GPR89B: variants seen among roughly 807,000 people sequenced by gnomAD.
The protein encoded by GPR89B is G protein-coupled receptor 89B.
GPR89B carries 25 observed loss-of-function variants against 52.4 expected under a neutral mutation model. The observed-to-expected ratio is 0.48, with a 90% CI of 0.35 to 0.67. The LOEUF is 0.67. Among genes scored for constraint, GPR89B ranks in the 30% least tolerant of loss-of-function variants. GPR89B has a pLI of 0.01. For missense variants in GPR89B, 146 were observed against 450.2 expected (o/e 0.32, Z 6.11); for synonymous variants, 52 against 151.2 (o/e 0.34, Z 4.81).
chr1:147,997,274 G>T (rs1659337251), downstream of GPR89B, among the ~76,000 whole-genome samples: 6 of 152,296 alleles, frequency 3.9e-5, no homozygotes, highest in South Asian at 1.2e-3. Flanking sequence ...GGAATACCTA[G>T]AAGCCCGGTA....
chr1:147,968,321 A>G, intron 8 of GPR89B: 6 of 453,928 alleles, frequency 1.3e-5, no homozygotes, highest in South Asian at 9.3e-5. Flanking sequence ...CAAGTTATTT[A>G]ACTCTCTGAG....
intron 1 of GPR89B, among the ~76,000 whole-genome samples, chr1:147,935,663 T>G (rs587690005): frequency 6.6e-6 from 1 of 152,300 alleles, no homozygotes; most frequent in South Asian, 2.1e-4. Context: ...ATAAAAAATA[T>G]TAGGCTTTCT....
At chr1:147,955,451 A>G (rs1337958209) in intron 7 of GPR89B, among the ~76,000 whole-genome samples, 1 of 151,914 alleles carries the variant, frequency 6.6e-6, no homozygotes, top group Non-Finnish European at 1.5e-5. Context: ...TCATATGGCA[A>G]TTCCATTTTC....
At chr1:147,938,225 T>TC (rs1654263670) in intron 2 of GPR89B, among the ~76,000 whole-genome samples, 1 of 152,204 alleles carries the variant, frequency 6.6e-6, no homozygotes, top group Admixed American at 6.5e-5. Flanking sequence ...ATAGTCTACA[T>TC]TTGGGTCATT....
chr1:147,930,065 C>T (rs1349705128), intron 1 of GPR89B, among the ~76,000 whole-genome samples: 5 of 152,186 alleles, frequency 3.3e-5, no homozygotes, highest in Non-Finnish European at 7.3e-5. Flanking sequence ...TGCATTGCAG[C>T]CTCTACGATT....
At chr1:148,012,838 CA>C in the GPR89B span, among the ~76,000 whole-genome samples, 1 of 151,898 alleles carries the variant, frequency 6.6e-6, no homozygotes, top group Non-Finnish European at 1.5e-5. Context: ...ATAGGTTGGC[CA>C]CAGAATGGCC....
intron 7 of GPR89B, among the ~76,000 whole-genome samples, chr1:147,960,516 G>A (rs1388250911): frequency 1.3e-5 from 2 of 152,116 alleles, no homozygotes; most frequent in Admixed American, 6.6e-5. Flanking sequence ...AATTTTACTA[G>A]GTGGGCTTAA....
intron 10 of GPR89B, among the ~76,000 whole-genome samples, chr1:147,970,527 CTCTCTCT>C (rs1657365307): frequency 2.1e-5 from 3 of 140,112 alleles, no homozygotes; most frequent in African/African-American, 8.5e-5. Flanking sequence ...CTCTCTCTCT[CTCTCTCT>C]ATCTCTATCT....
At chr1:148,000,802 C>A in the GPR89B span, among the ~76,000 whole-genome samples, 87 of 137,968 alleles carry the variant, frequency 6.3e-4, no homozygotes, top group African/African-American at 1.4e-3. Flanking sequence ...AAAACAACAA[C>A]AAAAAAACCT....
At chr1:147,931,262 G>A (rs1558028197) in intron 1 of GPR89B, among the ~76,000 whole-genome samples, 1 of 150,986 alleles carries the variant, frequency 6.6e-6, no homozygotes, top group Non-Finnish European at 1.5e-5. Context: ...TTTTTTAACA[G>A]TAGCTAATTT....
chr1:147,949,577 A>C (rs1571250679), intron 5 of GPR89B, among the ~76,000 whole-genome samples: 1 of 97,516 alleles, frequency 1.0e-5, no homozygotes, highest in Admixed American at 1.1e-4. Flanking sequence ...CGGGGGGCTG[A>C]CCCCCCCACC....
At chr1:147,929,713 C>T (rs587614770) in intron 1 of GPR89B, among the ~76,000 whole-genome samples, 232 of 152,218 alleles carry the variant, frequency 1.5e-3, no homozygotes, top group Non-Finnish European at 2.6e-3. Flanking sequence ...CTTTTCTCTT[C>T]AAAAACTTGT....
chr1:148,021,178 A>G, the GPR89B span, among the ~76,000 whole-genome samples: 3 of 151,438 alleles, frequency 2.0e-5, no homozygotes, highest in African/African-American at 7.3e-5. Flanking sequence ...AGACCATTAG[A>G]CCACATCTCG....
chr1:148,014,836 CT>C, the GPR89B span: 1 of 151,944 alleles, frequency 6.6e-6, no homozygotes, highest in African/African-American at 2.4e-5. Flanking sequence ...CCGCTCCCCC[CT>C]GAGCTTACAG....
chr1:148,019,111 G>A, the GPR89B span, among the ~76,000 whole-genome samples: 130 of 151,362 alleles, frequency 8.6e-4, 2 homozygotes, highest in African/African-American at 3.0e-3. Context: ...CGAGTAGCTG[G>A]GACTATAGGC....
chr1:147,928,858 A>G (rs1653266366), intron 1 of GPR89B: 1 of 186,576 alleles, frequency 5.4e-6, no homozygotes, highest in African/African-American at 2.4e-5. Context: ...CCAGGCTAAG[A>G]GCCGGCGCCG....
At chr1:147,966,056 A>G (rs1657010711) in intron 7 of GPR89B, among the ~76,000 whole-genome samples, 3 of 151,770 alleles carry the variant, frequency 2.0e-5, no homozygotes, top group Non-Finnish European at 2.9e-5. Flanking sequence ...CATGTTGCCC[A>G]TGCTGGTCTT....
intron 7 of GPR89B, among the ~76,000 whole-genome samples, chr1:147,963,440 T>C (rs1490866777): frequency 6.7e-5 from 10 of 149,290 alleles, no homozygotes; most frequent in Middle Eastern, 3.5e-3. Flanking sequence ...GGAGAAAATA[T>C]TTGCAAGCCA....
intron 10 of GPR89B, among the ~76,000 whole-genome samples, chr1:147,982,996 C>T (rs1365177352): frequency 1.2e-4 from 18 of 151,734 alleles, no homozygotes; most frequent in African/African-American, 4.1e-4. Flanking sequence ...ACATTGGCAC[C>T]GAACAGAGCC....
Sources: gnomAD v4.1 joint callset for allele counts (sites outside exome capture counted in the v4.1 genomes callset) on GRCh38, gnomAD v4.1.1 for gene constraint, MANE v1.5 for transcripts, NCBI Gene and HGNC (gene_info 2026-07-23, HGNC 2026-07-21) for gene names.